Variants in CARMIL1 observed in about 807,000 individuals in gnomAD.
CARMIL1 encodes the protein capping protein regulator and myosin 1 linker 1, also known as F-actin-uncapping protein LRRC16A.
Under a neutral mutation model 177.1 loss-of-function variants are expected in CARMIL1, and 90 were observed. The observed-to-expected ratio is 0.51, with a 90% confidence interval of 0.43 to 0.61. The LOEUF (loss-of-function observed/expected upper bound fraction) is 0.61, where lower values mean the gene tolerates loss of function less well. CARMIL1 is among the 20% of genes least tolerant of loss of function. CARMIL1 has a pLI of 0.00. For synonymous variants in CARMIL1, 577 were observed against 606.2 expected (o/e 0.95, Z 0.71); for missense variants, 1,380 against 1,667.0 (o/e 0.83, Z 3.00).
At chr6:25,567,409 G>T (rs566457965) in intron 29 of CARMIL1, among the ~76,000 whole-genome samples, 97 of 152,328 alleles carry the variant, frequency 6.4e-4, no homozygotes, top group African/African-American at 2.3e-3. Context: ...GCAATGGCAT[G>T]GATTGTAGAT....
intron 2 of CARMIL1, among the ~76,000 whole-genome samples, chr6:25,415,151 TTTTTTTTTCTATTTCA>T (rs1795249615): frequency 2.0e-5 from 3 of 151,636 alleles, no homozygotes; most frequent in East Asian, 3.9e-4. Context: ...TTTTCTACTC[TTTTTTTTTCTATTTCA>T]TTTTTTATTT....
Position 25,612,052 on chromosome 6 carries a change from C to T in CARMIL1, c.3979+1871C>T, listed in dbSNP as rs137928777. Among the ~76,000 whole-genome samples, 897 of 152,288 alleles carry T rather than the reference C, an allele frequency of 5.9e-3. 10 individuals carry two copies. Among genetic ancestry groups the T allele is most frequent in the African/African-American group, 0.02 (825 of 41,562 alleles). ...TCACGCTCCCTTCTTTCCAGTCAGA[C>T]GGTAGGGATGGCTGAGCTGTGGAGA... On this transcript the variant is annotated intron_variant, in intron 36 of 36. Transcript: ENST00000329474.
chr6:25,383,480 T>G (rs1791809714), intron 2 of CARMIL1: 2 of 152,234 alleles, frequency 1.3e-5, no homozygotes, highest in African/African-American at 4.8e-5. Flanking sequence ...AATCTATGTT[T>G]AAATTACTGG....
At chr6:25,280,819 G>T (rs1037603586) in intron 1 of CARMIL1, among the ~76,000 whole-genome samples, 23 of 152,054 alleles carry the variant, frequency 1.5e-4, no homozygotes, top group African/African-American at 5.3e-4. Flanking sequence ...TACCATTCTT[G>T]GCACACTACA....
chr6:25,556,901 A>ATTT, intron 29 of CARMIL1, 51 bp downstream of exon 29: 75 of 1,349,298 alleles, frequency 5.6e-5, no homozygotes, highest in Non-Finnish European at 6.4e-5. Context: ...GGACTGTGCC[A>ATTT]TTGTTTTTTT....
rs112253287 is a variant in CARMIL1, at chr6:25,394,252, T to C, written c.139-25862T>C. Reference sequence around the variant, plus strand: ...ATCTTCTTGGCAGTGATAGTGATGGTTATGATGACACAGTAGCCAGCACAA... The same window carrying C: ...ATCTTCTTGGCAGTGATAGTGATGGCTATGATGACACAGTAGCCAGCACAA... On this transcript the variant is annotated intron_variant, in intron 2 of 36. Transcript: ENST00000329474. Among the ~76,000 whole-genome samples, 381 of 152,314 alleles carry C rather than the reference T, an allele frequency of 2.5e-3. 2 individuals are homozygous for C. The highest frequency in any genetic ancestry group is 8.5e-3 in the African/African-American group (353 of 41,564).
In CARMIL1 at chr6:25,593,094, T is replaced by G. The variant is rs146582110; in HGVS notation, c.3007-1321T>G. Among the ~76,000 whole-genome samples the G allele has an allele frequency of 5.9e-5, 9 of 152,310 alleles. No individual in the cohort carries two copies. The East Asian group carries it at 1.7e-3, about 29-fold the overall frequency. The stretch of plus-strand genomic sequence containing the variant: ...ACAATACCTCAAACACTCAAGAAGA[T>G]AAGATACAGCTTTTCCCCCAAATAT... On this transcript the variant is annotated intron_variant, in intron 31 of 36. Coordinates refer to ENST00000329474, the MANE Select transcript of CARMIL1 (RefSeq NM_017640.6).
chr6:25,361,826 C>G (rs1458583763), intron 2 of CARMIL1, among the ~76,000 whole-genome samples: 1 of 152,138 alleles, frequency 6.6e-6, no homozygotes, highest in Non-Finnish European at 1.5e-5. Context: ...CTCTTGCTCT[C>G]TCACCGTATG....
chr6:25,387,889 G>C (rs989307365), intron 2 of CARMIL1, among the ~76,000 whole-genome samples: 3 of 152,172 alleles, frequency 2.0e-5, no homozygotes, highest in African/African-American at 7.2e-5. Context: ...AGTGGGTAAT[G>C]ATTTCTTTGC....
intron 2 of CARMIL1, among the ~76,000 whole-genome samples, chr6:25,341,524 G>A (rs1205197938): frequency 1.3e-5 from 2 of 152,212 alleles, no homozygotes; most frequent in Admixed American, 1.3e-4. Context: ...AGGAGTTCAA[G>A]ACCAGCCAGG....
At chr6:25,386,490 A>T (rs1025512894) in intron 2 of CARMIL1, among the ~76,000 whole-genome samples, 1 of 151,880 alleles carries the variant, frequency 6.6e-6, no homozygotes, top group African/African-American at 2.4e-5. Flanking sequence ...TGATCCACCT[A>T]CCTCAGCCTC....
intron 2 of CARMIL1, among the ~76,000 whole-genome samples, chr6:25,336,517 T>C (rs1444323133): frequency 6.6e-6 from 1 of 152,232 alleles, no homozygotes; most frequent in Non-Finnish European, 1.5e-5. Context: ...TCACTTAACT[T>C]CTTTGGGCTT....
chr6:25,338,256 C>CA (rs869144757), intron 2 of CARMIL1, among the ~76,000 whole-genome samples: 4,729 of 58,010 alleles, frequency 0.082, 140 homozygotes, highest in East Asian at 0.29. Flanking sequence ...GACTCTGTCT[C>CA]AAAAAAAAAA....
intron 13 of CARMIL1, among the ~76,000 whole-genome samples, chr6:25,489,046 T>C (rs971712550): frequency 4.6e-5 from 7 of 152,084 alleles, no homozygotes; most frequent in Non-Finnish European, 1.0e-4. Flanking sequence ...TTGCCTGTAG[T>C]CCCAGGTACT....
chr6:25,490,745 ATAAAT>A (rs1803139057), intron 13 of CARMIL1, among the ~76,000 whole-genome samples: 6 of 71,908 alleles, frequency 8.3e-5, no homozygotes, highest in South Asian at 4.0e-4. Context: ...AAATAAATAA[ATAAAT>A]AAAAAAAAAT....
chr6:25,521,231 G>C (rs558335915), intron 23 of CARMIL1, among the ~76,000 whole-genome samples: 44 of 152,236 alleles, frequency 2.9e-4, no homozygotes, highest in African/African-American at 9.9e-4. Flanking sequence ...GGCCTGCATC[G>C]TACAGCCGAG....
chr6:25,355,390 C>T (rs1788496081), intron 2 of CARMIL1, among the ~76,000 whole-genome samples: 1 of 152,166 alleles, frequency 6.6e-6, no homozygotes, highest in African/African-American at 2.4e-5. Context: ...TGTCTGTAAT[C>T]CCAGCACTTT....
intron 2 of CARMIL1, among the ~76,000 whole-genome samples, chr6:25,400,316 C>T (rs1793782299): frequency 6.6e-6 from 1 of 152,208 alleles, no homozygotes; most frequent in African/African-American, 2.4e-5. Context: ...CTGGTTCTGC[C>T]TGTGCCCATT....
intron 5 of CARMIL1, among the ~76,000 whole-genome samples, chr6:25,435,942 G>A (rs949234438): frequency 1.3e-5 from 2 of 152,194 alleles, no homozygotes; most frequent in African/African-American, 4.8e-5. Flanking sequence ...GCCAGGGGCT[G>A]CATGCTTTGT....
Sources: gnomAD v4.1 joint callset for allele counts (sites outside exome capture counted in the v4.1 genomes callset) on GRCh38, gnomAD v4.1.1 for gene constraint, MANE v1.5 for transcripts, NCBI Gene and HGNC (gene_info 2026-07-23, HGNC 2026-07-21) for gene names.